MAGI1: variants seen among roughly 807,000 people sequenced by gnomAD.
MAGI1 encodes membrane-associated guanylate kinase, WW and PDZ domain-containing protein 1.
Under a neutral mutation model 139.9 loss-of-function variants are expected in MAGI1, and 58 were observed. The observed-to-expected ratio is 0.41, with a 90% CI of 0.34 to 0.52. The LOEUF (loss-of-function observed/expected upper bound fraction) is 0.52, where lower values mean the gene tolerates loss of function less well. Among genes scored for constraint, MAGI1 ranks in the 20% least tolerant of loss-of-function variants. MAGI1 has a pLI of 0.12. For missense variants in MAGI1, 1,874 were observed against 1,901.6 expected (o/e 0.99, Z 0.27); for synonymous variants, 812 against 737.9 (o/e 1.10, Z -1.63).
chr3:65,750,587 G>A (rs1352693952), intron 1 of MAGI1, among the ~76,000 whole-genome samples: 3 of 152,180 alleles, frequency 2.0e-5, no homozygotes, highest in African/African-American at 7.2e-5. Context: ...AAAACTCTGA[G>A]AAGTCAAATT....
Position 65,359,456 on chromosome 3 carries a change from C to T in MAGI1, c.3634+1743G>A, listed in dbSNP as rs542557543. 58 of 1,143,818 alleles carry T rather than the reference C, an allele frequency of 5.1e-5. 1 individual carries two copies. In the South Asian group the frequency reaches 1.8e-3, roughly 35 times the overall value. The allele number at this position is 1,143,818 out of a possible 1,614,324, so 70.9% of individuals were successfully genotyped here. A position where few individuals can be genotyped will look rare whatever the true frequency, so the allele number is the denominator to read the frequency against. ...GTTTTGTTTTTTCAAACAACTGGAA[C>T]AATGACAGGCTGGCATAGGAGAGCA... On this transcript the variant is annotated intron_variant, in intron 22 of 22. Coordinates refer to ENST00000402939, the MANE Select transcript of MAGI1 (RefSeq NM_001033057.2).
At chr3:65,361,445 CA>C in intron 21 of MAGI1, 108 bp from the exon 22 acceptor site, 1 of 1,017,542 alleles carries the variant, frequency 9.8e-7, no homozygotes, top group South Asian at 1.6e-5. Context: ...GTGGCAGTGA[CA>C]AAAACAAACA....
At chr3:66,027,176 G>A (rs2068320373) in intron 1 of MAGI1, among the ~76,000 whole-genome samples, 1 of 151,892 alleles carries the variant, frequency 6.6e-6, no homozygotes, top group African/African-American at 2.4e-5. Flanking sequence ...GCTGAGGCAG[G>A]AGAATGGCGT....
intron 2 of MAGI1, among the ~76,000 whole-genome samples, chr3:65,529,047 AAACC>A (rs949101124): frequency 2.6e-5 from 4 of 152,112 alleles, no homozygotes; most frequent in African/African-American, 7.2e-5. Context: ...CCCTGTTTCA[AAACC>A]AACCAACCAA....
intron 1 of MAGI1, among the ~76,000 whole-genome samples, chr3:65,635,526 A>G (rs2084561010): frequency 6.6e-6 from 1 of 152,228 alleles, no homozygotes. Flanking sequence ...CAAGAGAGTG[A>G]CATCTGAATG....
chr3:65,764,686 T>C (rs2037325489), intron 1 of MAGI1, among the ~76,000 whole-genome samples: 1 of 152,286 alleles, frequency 6.6e-6, no homozygotes, highest in African/African-American at 2.4e-5. Flanking sequence ...ATCAGCTTCC[T>C]TTTTCTTTTT....
chr3:65,453,034 G>T, intron 6 of MAGI1: 1 of 510,704 alleles, frequency 2.0e-6, no homozygotes, highest in Non-Finnish European at 3.5e-6. Context: ...TGCTTCTAAT[G>T]GAGATATTAG....
At chr3:65,941,129 T>G (rs1045203078) in intron 1 of MAGI1, among the ~76,000 whole-genome samples, 1 of 152,140 alleles carries the variant, frequency 6.6e-6, no homozygotes, top group African/African-American at 2.4e-5. Context: ...GCGGATCACC[T>G]GAGGTCAGGA....
chr3:65,735,590 G>T (rs2034654944), intron 1 of MAGI1, among the ~76,000 whole-genome samples: 1 of 151,936 alleles, frequency 6.6e-6, no homozygotes, highest in African/African-American at 2.4e-5. Flanking sequence ...CTCTTGCTAG[G>T]GATCCGTCCA....
At chr3:66,012,837 A>C (rs563876365) in intron 1 of MAGI1, among the ~76,000 whole-genome samples, 6 of 152,046 alleles carry the variant, frequency 3.9e-5, no homozygotes, top group Admixed American at 6.5e-5. Flanking sequence ...GCACATCAGA[A>C]GTGCCCCTGT....
At chr3:65,823,084 C>G (rs1197463716) in intron 1 of MAGI1, among the ~76,000 whole-genome samples, 1 of 152,222 alleles carries the variant, frequency 6.6e-6, no homozygotes, top group Admixed American at 6.5e-5. Flanking sequence ...TAAGGTATTA[C>G]AGCTAAATTT....
intron 2 of MAGI1, among the ~76,000 whole-genome samples, chr3:65,567,473 C>T (rs1248398978): frequency 3.9e-5 from 6 of 152,102 alleles, no homozygotes; most frequent in African/African-American, 9.7e-5. Context: ...AGTCCTACTA[C>T]GGAAAGCATT....
intron 1 of MAGI1, among the ~76,000 whole-genome samples, chr3:65,800,973 T>A (rs564006296): frequency 5.3e-5 from 8 of 152,330 alleles, no homozygotes; most frequent in African/African-American, 7.2e-5. Flanking sequence ...CAGAGTTGGA[T>A]GAATCAGGTG....
At chr3:65,495,719 T>C (rs968811312) in intron 2 of MAGI1, among the ~76,000 whole-genome samples, 1 of 152,158 alleles carries the variant, frequency 6.6e-6, no homozygotes, top group Non-Finnish European at 1.5e-5. Context: ...TTAGACAGTG[T>C]CTTGGAGGGA....
At chr3:65,836,590 G>A (rs1240002813) in intron 1 of MAGI1, among the ~76,000 whole-genome samples, 2 of 152,182 alleles carry the variant, frequency 1.3e-5, no homozygotes, top group Non-Finnish European at 2.9e-5. Flanking sequence ...GGAGGCTGAG[G>A]CGGGTGGATC....
At chr3:65,882,949 A>G (rs947596298) in intron 1 of MAGI1, among the ~76,000 whole-genome samples, 2 of 151,784 alleles carry the variant, frequency 1.3e-5, no homozygotes, top group Non-Finnish European at 2.9e-5. Context: ...AAAAAAAAAA[A>G]AAGGAAAAAA....
At chr3:65,895,419 G>T (rs981493297) in intron 1 of MAGI1, among the ~76,000 whole-genome samples, 1 of 152,302 alleles carries the variant, frequency 6.6e-6, no homozygotes, top group South Asian at 2.1e-4. Context: ...GACACCTTCA[G>T]GTTTCAGAAA....
intron 1 of MAGI1, among the ~76,000 whole-genome samples, chr3:65,632,261 G>T (rs2084359566): frequency 6.6e-6 from 1 of 152,142 alleles, no homozygotes; most frequent in African/African-American, 2.4e-5. Context: ...GACAATTACA[G>T]TGTCAAAATG....
chr3:65,990,297 A>G (rs2066104144), intron 1 of MAGI1, among the ~76,000 whole-genome samples: 1 of 152,172 alleles, frequency 6.6e-6, no homozygotes, highest in African/African-American at 2.4e-5. Context: ...CACCACTGGC[A>G]AAAATGGAAA....
Sources: allele counts gnomAD v4.1 joint callset (sites outside exome capture counted in the v4.1 genomes callset), GRCh38; gene constraint gnomAD v4.1.1; transcripts MANE v1.5; gene names NCBI Gene and HGNC (gene_info 2026-07-23, HGNC 2026-07-21).